Variants in FBRSL1 observed in about 807,000 individuals in gnomAD.
FBRSL1 encodes the protein fibrosin-1-like protein.
FBRSL1 carries 51 observed loss-of-function variants against 89.6 expected under a neutral mutation model. The observed-to-expected ratio is 0.57, with a 90% CI of 0.45 to 0.72. FBRSL1 has a LOEUF of 0.72. FBRSL1 is among the 30% of genes least tolerant of loss of function. The pLI is 0.00. For missense variants in FBRSL1, 1,618 were observed against 1,451.8 expected (o/e 1.11, Z -1.86); for synonymous variants, 779 against 681.1 (o/e 1.14, Z -2.24).
chr12:132,503,575 AC>A (rs2033304117), intron 1 of FBRSL1, among the ~76,000 whole-genome samples: 1 of 152,032 alleles, frequency 6.6e-6, no homozygotes, highest in Non-Finnish European at 1.5e-5. Flanking sequence ...GGGTAATTAG[AC>A]CCAGTCCCCA....
intron 5 of FBRSL1, among the ~76,000 whole-genome samples, chr12:132,557,602 G>T (rs2038783835): frequency 6.6e-6 from 1 of 152,196 alleles, no homozygotes; most frequent in Non-Finnish European, 1.5e-5. Context: ...TAGAAAGTGG[G>T]GTTGGAAGCC....
chr12:132,561,860 C>G (rs1451438183), intron 5 of FBRSL1, among the ~76,000 whole-genome samples: 1 of 152,210 alleles, frequency 6.6e-6, no homozygotes, highest in Non-Finnish European at 1.5e-5. Context: ...TGGTTCATGG[C>G]TGGCATGGAG....
chr12:132,573,050 G>A (rs891083317), intron 11 of FBRSL1, among the ~76,000 whole-genome samples: 2 of 152,206 alleles, frequency 1.3e-5, no homozygotes, highest in South Asian at 2.1e-4. Flanking sequence ...TTACGGGGCC[G>A]TCCACACCCG....
chr12:132,504,372 A>G (rs1247772307), intron 1 of FBRSL1, among the ~76,000 whole-genome samples: 1 of 152,248 alleles, frequency 6.6e-6, no homozygotes, highest in Admixed American at 6.5e-5. Context: ...AAGCAGTCGC[A>G]TAGAATTGCT....
chr12:132,495,290 C>T (rs2031816768), intron 1 of FBRSL1, among the ~76,000 whole-genome samples: 2 of 152,246 alleles, frequency 1.3e-5, no homozygotes, highest in Admixed American at 1.3e-4. Flanking sequence ...GAAGTGTGAC[C>T]TGGCCATGTG....
chr12:132,518,771 C>A (rs928327812), intron 2 of FBRSL1, among the ~76,000 whole-genome samples: 2 of 151,662 alleles, frequency 1.3e-5, no homozygotes. Flanking sequence ...CACATCCATC[C>A]ATCCACCCAT....
intron 4 of FBRSL1, among the ~76,000 whole-genome samples, chr12:132,534,533 C>T (rs924138793): frequency 6.6e-6 from 1 of 152,264 alleles, no homozygotes; most frequent in Non-Finnish European, 1.5e-5. Flanking sequence ...CTCGCCACCT[C>T]CCTGCCCCAC....
Position 132,570,131 on chromosome 12 carries a change from G to C in FBRSL1, c.897G>C (p.Pro299=). 6.8e-7 allele frequency: 1 copy of C among 1,473,122 alleles called. No homozygotes were observed. Among genetic ancestry groups the C allele is most frequent in the African/African-American group, 1.5e-5 (1 of 67,380 alleles). 91.3% of individuals were successfully genotyped at this position (1,473,122 alleles called of 1,614,324 possible). Residue 299 remains proline, a synonymous_variant, in exon 7 of 19, where the codon CCG becomes CCC. Coordinates refer to ENST00000680143, the MANE Select transcript of FBRSL1 (RefSeq NM_001367871.1). ...CCCCCGCCCCGCACCGCCACACCCC[G>C]CAGCCGCCACCCCCGCAGCCCCGCG... The part of the protein sequence containing the change: ...KEPPAPHRHT[P]QPPPPQPRGL...
chr12:132,505,517 C>T (rs773626060), intron 1 of FBRSL1, among the ~76,000 whole-genome samples: 30 of 152,208 alleles, frequency 2.0e-4, no homozygotes, highest in Admixed American at 6.5e-4. Context: ...CTCACAGGAG[C>T]GGGGGTGACC....
intron 8 of FBRSL1, 112 bp downstream of exon 8, chr12:132,570,652 C>A: frequency 2.1e-6 from 2 of 957,328 alleles, no homozygotes; most frequent in Non-Finnish European, 2.9e-6. Flanking sequence ...TCTCTGCGGA[C>A]CCTGCGCGCC....
intron 2 of FBRSL1, among the ~76,000 whole-genome samples, chr12:132,521,904 G>A (rs141043303): frequency 2.0e-5 from 3 of 152,208 alleles, no homozygotes; most frequent in African/African-American, 4.8e-5. Flanking sequence ...AGGACAGTGC[G>A]TGCTTAGAGC....
At chr12:132,563,533 T>C (rs2039321950) in intron 5 of FBRSL1, among the ~76,000 whole-genome samples, 1 of 152,082 alleles carries the variant, frequency 6.6e-6, no homozygotes, top group African/African-American at 2.4e-5. Context: ...ATTGCGCTCT[T>C]GGATCTCCTT....
At chr12:132,505,821 G>A (rs532814875) in intron 1 of FBRSL1, among the ~76,000 whole-genome samples, 13 of 152,334 alleles carry the variant, frequency 8.5e-5, no homozygotes, top group South Asian at 8.3e-4. Context: ...GGGGCCAGCC[G>A]CACGGCTCTC....
chr12:132,583,373 C>T lies in FBRSL1; in HGVS notation c.2604C>T (p.Ala868=), dbSNP rs1566257838. The change falls in exon 19 of 19, where the codon GCC becomes GCT. Residue 868 remains alanine, a synonymous_variant. Transcript: ENST00000680143. ...TGCCACGTCGCGCCTTCCCCGCTGCCGCCCCCGCCCCGGGCTCCGCCGCCC... is the reference window on the plus strand; with the variant it reads ...TGCCACGTCGCGCCTTCCCCGCTGCTGCCCCCGCCCCGGGCTCCGCCGCCC... The part of the protein sequence containing the change: ...LELPRRAFPA[A]APAPGSAALL... 1 of 1,099,824 alleles carries T rather than the reference C, an allele frequency of 9.1e-7. No homozygotes were observed. Among genetic ancestry groups the T allele is most frequent in the South Asian group, 3.0e-5 (1 of 33,418 alleles). 68.1% of individuals were successfully genotyped at this position (1,099,824 alleles called of 1,614,324 possible). A position where few individuals can be genotyped will look rare whatever the true frequency, so the allele number is the denominator to read the frequency against.
chr12:132,528,737 C>T (rs1238114843), intron 4 of FBRSL1, among the ~76,000 whole-genome samples: 1 of 151,738 alleles, frequency 6.6e-6, no homozygotes, highest in Non-Finnish European at 1.5e-5. Flanking sequence ...CCGTGCCTCC[C>T]TGTGGGTGCA....
chr12:132,561,546 G>A (rs1480763168), intron 5 of FBRSL1, among the ~76,000 whole-genome samples: 1 of 152,202 alleles, frequency 6.6e-6, no homozygotes, highest in Non-Finnish European at 1.5e-5. Flanking sequence ...CAAACTGCGG[G>A]CTAAGCTGGC....
intron 2 of FBRSL1, chr12:132,511,192 C>G (rs563411039): frequency 1.0e-6 from 1 of 985,534 alleles, no homozygotes; most frequent in African/African-American, 1.7e-5. Flanking sequence ...GCTCCCACCC[C>G]CACCTCTCAG....
At chr12:132,575,837 A>G (rs894834090) in intron 14 of FBRSL1, among the ~76,000 whole-genome samples, 2 of 152,264 alleles carry the variant, frequency 1.3e-5, no homozygotes, top group African/African-American at 4.8e-5. Context: ...CACTGCAGGG[A>G]CCAGGAGGGG....
chr12:132,582,975 C>G lies in FBRSL1; in HGVS notation c.2206C>G (p.Leu736Val), dbSNP rs1201964516. The G allele has an allele frequency of 1.4e-6, 2 of 1,427,894 alleles. No homozygotes were observed. The highest frequency in any genetic ancestry group is 6.1e-5 in the East Asian group (2 of 32,798). The allele number at this position is 1,427,894 out of a possible 1,614,324, so 88.5% of individuals were successfully genotyped here. A position where few individuals can be genotyped will look rare whatever the true frequency, so the allele number is the denominator to read the frequency against. Residue 736 changes from leucine to valine, a missense_variant, in exon 19 of 19, where the codon CTC (leucine) becomes GTC (valine). Physicochemically the swap from Leu to Val is conservative, Grantham distance 32 (BLOSUM62 1). Transcript: ENST00000680143. The part of the protein sequence containing the change: ...DNGKEEQERD[L>V]LEKTRLLSRA... ...GGTCCGCCCTGCCGCCCCCAGGGAC[C>G]TCCTGGAGAAGACGCGCCTGCTGAG...
Sources: allele counts gnomAD v4.1 joint callset (sites outside exome capture counted in the v4.1 genomes callset), GRCh38; gene constraint gnomAD v4.1.1; transcripts MANE v1.5; gene names NCBI Gene and HGNC (gene_info 2026-07-23, HGNC 2026-07-21).